The following CCDC102B variants were observed in gnomAD, a reference collection of about 807,000 sequenced individuals.
CCDC102B encodes coiled-coil domain-containing protein 102B.
CCDC102B carries 75 observed loss-of-function variants against 57.4 expected under a neutral mutation model. The ratio of observed to expected loss-of-function variants is 1.31; its 90% CI spans 1.08 to 1.58. The LOEUF (loss-of-function observed/expected upper bound fraction) is 1.58, where lower values mean the gene tolerates loss of function less well. Among genes scored for constraint, CCDC102B ranks in the 40% most tolerant of loss-of-function variants. CCDC102B has a pLI of 0.00. For synonymous variants in CCDC102B, 206 were observed against 201.9 expected (o/e 1.02, Z -0.17); for missense variants, 636 against 582.6 (o/e 1.09, Z -0.94).
At chr18:68,786,384 G>T (rs2035212959) in intron 2 of CCDC102B, among the ~76,000 whole-genome samples, 1 of 126,344 alleles carries the variant, frequency 7.9e-6, no homozygotes, top group African/African-American at 3.1e-5. Flanking sequence ...GTAGCTTGAT[G>T]GGGATGGCAT....
chr18:68,776,367 G>A (rs1252306128), intron 2 of CCDC102B, among the ~76,000 whole-genome samples: 2 of 152,114 alleles, frequency 1.3e-5, no homozygotes, highest in African/African-American at 4.8e-5. Flanking sequence ...ACGCATGTGA[G>A]TGTTCCTTGT....
At chr18:68,997,170 A>G (rs780302311) in intron 6 of CCDC102B, among the ~76,000 whole-genome samples, 7 of 152,090 alleles carry the variant, frequency 4.6e-5, no homozygotes, top group Non-Finnish European at 8.8e-5. Flanking sequence ...CTGAATTGTG[A>G]GTCAATTAAA....
At chr18:68,913,399 C>T (rs1568327582) in intron 6 of CCDC102B, among the ~76,000 whole-genome samples, 1 of 150,056 alleles carries the variant, frequency 6.7e-6, no homozygotes, top group Non-Finnish European at 1.5e-5. Flanking sequence ...ATACTCCCAG[C>T]ACTTTGGGAG....
intron 1 of CCDC102B, among the ~76,000 whole-genome samples, chr18:68,810,085 T>G (rs2144707968): frequency 6.6e-6 from 1 of 152,316 alleles, no homozygotes; most frequent in South Asian, 2.1e-4. Flanking sequence ...TAAAGATTTT[T>G]TAGTCAAATT....
At chr18:68,966,611 T>A (rs533270855) in intron 6 of CCDC102B, among the ~76,000 whole-genome samples, 4 of 152,234 alleles carry the variant, frequency 2.6e-5, no homozygotes, top group South Asian at 4.1e-4. Flanking sequence ...TTTGCACAGT[T>A]CCCTGGAGAG....
intron 2 of CCDC102B, among the ~76,000 whole-genome samples, chr18:68,792,410 G>GT (rs1443065251): frequency 1.3e-5 from 2 of 152,270 alleles, no homozygotes; most frequent in Non-Finnish European, 1.5e-5. Context: ...AGGTAGCAAC[G>GT]TAAGTTATAC....
chr18:69,010,014 C>T (rs2051465820), intron 6 of CCDC102B, among the ~76,000 whole-genome samples: 1 of 134,442 alleles, frequency 7.4e-6, no homozygotes, highest in Admixed American at 8.4e-5. Flanking sequence ...TCACTGCAAG[C>T]TCCAGCTCCC....
intron 4 of CCDC102B, among the ~76,000 whole-genome samples, chr18:68,847,704 T>G (rs1242681584): frequency 6.6e-6 from 1 of 151,804 alleles, no homozygotes; most frequent in African/African-American, 2.4e-5. Flanking sequence ...AAATATGTAT[T>G]AATACATATA....
intron 6 of CCDC102B, among the ~76,000 whole-genome samples, chr18:68,996,208 G>T (rs1482231037): frequency 1.3e-5 from 2 of 152,118 alleles, no homozygotes; most frequent in African/African-American, 4.8e-5. Flanking sequence ...GACCAGCTAG[G>T]ATAAAAGCAG....
chr18:68,790,308 G>A (rs1049621719), intron 2 of CCDC102B, among the ~76,000 whole-genome samples: 5 of 137,312 alleles, frequency 3.6e-5, no homozygotes, highest in Non-Finnish European at 8.4e-5. Context: ...GCCCCCAGAG[G>A]TGGAGCGTAC....
At chr18:68,880,354 C>T (rs1406142813) in intron 5 of CCDC102B, among the ~76,000 whole-genome samples, 1 of 152,226 alleles carries the variant, frequency 6.6e-6, no homozygotes. Flanking sequence ...CGCGCGCAGC[C>T]CCGGTTCCTG....
chr18:68,810,707 T>TTTTTTTTTTTTTTTTG (rs2036228976), intron 1 of CCDC102B, among the ~76,000 whole-genome samples: 1 of 78,470 alleles, frequency 1.3e-5, no homozygotes, highest in African/African-American at 4.4e-5. Context: ...TTTTTTTTTT[T>TTTTTTTTTTTTTTTTG]ATGCTTTAAG....
chr18:69,000,183 C>A (rs1259742830), intron 6 of CCDC102B, among the ~76,000 whole-genome samples: 2 of 152,056 alleles, frequency 1.3e-5, no homozygotes, highest in Admixed American at 6.6e-5. Flanking sequence ...ATGTATAAAA[C>A]AACAAATGTA....
chr18:68,781,798 A>C (rs2035015739), intron 2 of CCDC102B, among the ~76,000 whole-genome samples: 1 of 152,142 alleles, frequency 6.6e-6, no homozygotes, highest in Non-Finnish European at 1.5e-5. Flanking sequence ...ATAAGTATTT[A>C]AAATTTTTTT....
chr18:68,897,161 A>G, intron 5 of CCDC102B, 58 bp from the exon 6 acceptor site: 1 of 1,366,748 alleles, frequency 7.3e-7, no homozygotes, highest in South Asian at 1.3e-5. Context: ...TGTGGGTGGC[A>G]TTATCTTTTG....
At chr18:68,929,721 C>T (rs987017294) in intron 6 of CCDC102B, among the ~76,000 whole-genome samples, 8 of 151,830 alleles carry the variant, frequency 5.3e-5, no homozygotes, top group African/African-American at 1.7e-4. Flanking sequence ...AATTTGGTAA[C>T]ATTTTCTTGG....
At chr18:68,774,462 T>A (rs563548823) in intron 2 of CCDC102B, among the ~76,000 whole-genome samples, 1 of 152,192 alleles carries the variant, frequency 6.6e-6, no homozygotes, top group South Asian at 2.1e-4. Flanking sequence ...ACAGCAGGAA[T>A]GGTAGCATTA....
intron 6 of CCDC102B, among the ~76,000 whole-genome samples, chr18:69,009,529 A>G (rs646436): frequency 0.016 from 2,373 of 152,288 alleles, 84 homozygotes; most frequent in African/African-American, 0.054. Flanking sequence ...TATGCAAATT[A>G]TATACTTACT....
chr18:68,909,934 A>G (rs1003008203), intron 6 of CCDC102B, among the ~76,000 whole-genome samples: 5 of 152,298 alleles, frequency 3.3e-5, no homozygotes, highest in South Asian at 2.1e-4. Flanking sequence ...ACAGAAATGC[A>G]AGATAAAAAT....
Sources: allele counts gnomAD v4.1 joint callset (sites outside exome capture counted in the v4.1 genomes callset), GRCh38; gene constraint gnomAD v4.1.1; transcripts MANE v1.5; gene names NCBI Gene and HGNC (gene_info 2026-07-23, HGNC 2026-07-21).